Variants in TBC1D9B observed in about 807,000 individuals in gnomAD.
TBC1D9B encodes TBC1 domain family member 9B, also known as TBC1 domain family, member 9B (with GRAM domain).
TBC1D9B carries 87 observed loss-of-function variants against 121.1 expected under a neutral mutation model. That is an observed-to-expected ratio of 0.72 (90% CI 0.60 to 0.86). TBC1D9B has a LOEUF of 0.86. TBC1D9B is among the 40% of genes least tolerant of loss of function. The pLI, the probability that TBC1D9B is intolerant of heterozygous loss-of-function variation, is 0.00. For missense variants in TBC1D9B, 1,540 were observed against 1,628.6 expected (o/e 0.95, Z 0.94); for synonymous variants, 668 against 670.1 (o/e 1.00, Z 0.05).
In TBC1D9B at chr5:179,904,839, G is replaced by C. The variant is rs1169981436; in HGVS notation, c.119-27C>G. 6.5e-7 allele frequency: 1 copy of C among 1,528,444 alleles called. No individual in the cohort carries two copies. Among genetic ancestry groups the C allele is most frequent in the Non-Finnish European group, 8.8e-7 (1 of 1,131,216 alleles). 94.7% of individuals were successfully genotyped at this position (1,528,444 alleles called of 1,614,324 possible). ...TGGGAACAGGGCAGAGAGACATAGA[G>C]GGTGAGGGGAGGGCCGGACTGAGGC... On this transcript the variant is annotated intron_variant, in intron 1 of 20. Coordinates refer to ENST00000355235, the MANE Select transcript of TBC1D9B (RefSeq NM_015043.4). This position sits in a 1 kb window ranked among gnomAD's most constrained non-coding sequence, Gnocchi z 4.2.
intron 18 of TBC1D9B, 139 bp downstream of exon 18, chr5:179,867,639 T>C (rs747715135): frequency 2.7e-6 from 4 of 1,487,416 alleles, no homozygotes; most frequent in South Asian, 1.2e-5. Flanking sequence ...GCCCAGCCCG[T>C]GGTCCCCTGG....
At chr5:179,895,441 G>A (rs1053679917) in intron 3 of TBC1D9B, among the ~76,000 whole-genome samples, 10 of 152,068 alleles carry the variant, frequency 6.6e-5, no homozygotes, top group East Asian at 1.9e-4. Context: ...CCTGGAGGAC[G>A]TCCTGCACTT....
chr5:179,878,162 T>TA, intron 10 of TBC1D9B, 147 bp downstream of exon 10: 1 of 828,524 alleles, frequency 1.2e-6, no homozygotes, highest in South Asian at 1.8e-5. Context: ...GAGCAATTAA[T>TA]ACTGTTTTTA....
intron 15 of TBC1D9B, chr5:179,870,799 C>T: frequency 2.5e-6 from 1 of 401,222 alleles, no homozygotes. Flanking sequence ...AAACAAGAGG[C>T]CTGAGGCTTG....
rs1026748922 is a variant in TBC1D9B at position 179,875,121 on chromosome 5, T to A, written c.1967A>T (p.Lys656Met). The change falls in exon 12 of 21, where the codon AAG (lysine) becomes ATG (methionine). Residue 656 changes from lysine (K) to methionine (M), a missense_variant. Lys to Met is a moderately conservative substitution (Grantham distance 95). Coordinates refer to ENST00000355235, the MANE Select transcript of TBC1D9B (RefSeq NM_015043.4). The surrounding 1 kb of genome is among the most constrained non-coding windows in gnomAD (Gnocchi z 4.5). ...TRDFLPQLSE[K>M]MQDLGVISSI... ...GGAGATCACCCCCAGGTCCTGCATC[T>A]TCTCCGAGAGCTGCGGCAGGAAGTC... 6.2e-7 allele frequency: 1 copy of A among 1,613,880 alleles called. No individual in the cohort carries two copies. Among genetic ancestry groups the A allele is most frequent in the Non-Finnish European group, 8.5e-7 (1 of 1,180,032 alleles).
chr5:179,884,584 C>T (rs562256525), intron 7 of TBC1D9B: 3 of 152,224 alleles, frequency 2.0e-5, no homozygotes, highest in Non-Finnish European at 4.4e-5. Flanking sequence ...ATGTTCACAG[C>T]AGTGTTACTC....
At chr5:179,899,342 T>C (rs1319477722) in intron 2 of TBC1D9B, 35 bp from the exon 3 acceptor site, 1 of 1,583,842 alleles carries the variant, frequency 6.3e-7, no homozygotes, top group Admixed American at 1.7e-5. Context: ...AGAAAAATCA[T>C]GAATTCCCCA....
At chr5:179,889,122 C>T (rs1483863206) in intron 6 of TBC1D9B, among the ~76,000 whole-genome samples, 7 of 151,896 alleles carry the variant, frequency 4.6e-5, no homozygotes, top group South Asian at 4.2e-4. Context: ...CTCTGCCTCC[C>T]GGGTTCACGC....
At position 179,865,274 on chromosome 5, in the gene TBC1D9B, C is replaced by A; in HGVS notation, c.3001G>T (p.Asp1001Tyr). The A allele has an allele frequency of 6.2e-7, 1 of 1,614,170 alleles. No homozygotes were observed. Among genetic ancestry groups the A allele is most frequent in the Non-Finnish European group, 8.5e-7 (1 of 1,180,028 alleles). The change falls in exon 20 of 21, where the codon GAT (aspartate) becomes TAT (tyrosine). Residue 1001 changes from aspartate to tyrosine, a missense_variant. Coordinates refer to ENST00000355235, the MANE Select transcript of TBC1D9B (RefSeq NM_015043.4). The surrounding 1 kb of genome is among the most constrained non-coding windows in gnomAD (Gnocchi z 5.1). ...CCTACCTGGTTCATCTTGGGAAGAT[C>A]CTTAATCGTCTCCTTCTGAGCCTCT... is the stretch of plus-strand genomic sequence containing the variant. ...EKEAQKETIK[D>Y]LPKMNQEQFI...
At chr5:179,898,462 T>A (rs189918291) in intron 3 of TBC1D9B, among the ~76,000 whole-genome samples, 226 of 148,414 alleles carry the variant, frequency 1.5e-3, no homozygotes, top group South Asian at 6.7e-3. Flanking sequence ...CTTTTTTTTT[T>A]AATTGAGATG....
intron 2 of TBC1D9B, among the ~76,000 whole-genome samples, chr5:179,900,815 G>C (rs1043864973): frequency 6.6e-6 from 1 of 152,190 alleles, no homozygotes; most frequent in African/African-American, 2.4e-5. Context: ...TTAGGAACAA[G>C]AGCACTACGG....
intron 3 of TBC1D9B, among the ~76,000 whole-genome samples, chr5:179,895,960 G>A (rs1036008443): frequency 1.3e-5 from 2 of 152,152 alleles, no homozygotes; most frequent in Non-Finnish European, 1.5e-5. Flanking sequence ...CCCCCTTTCT[G>A]CCTAAAAGCT....
intron 16 of TBC1D9B, 88 bp from the exon 17 acceptor site, chr5:179,869,922 T>C: frequency 7.8e-7 from 1 of 1,287,254 alleles, no homozygotes; most frequent in East Asian, 2.4e-5. Context: ...CTTCACAGCC[T>C]GTGCTGCCCA....
intron 2 of TBC1D9B, among the ~76,000 whole-genome samples, chr5:179,899,616 T>C (rs76894352): frequency 0.054 from 8,171 of 152,304 alleles, 757 homozygotes; most frequent in African/African-American, 0.18. Flanking sequence ...ATAGTCTGTG[T>C]GCCTGCAAGC....
Position 179,865,185 on chromosome 5 carries a change from G to T in TBC1D9B, c.3021+69C>A. ...CAGGAGATGCTGCAGTGCAGGTGCGGTGATGTTAGGGCCCAGTCTTGGTCA... is the reference window on the plus strand; with the variant it reads ...CAGGAGATGCTGCAGTGCAGGTGCGTTGATGTTAGGGCCCAGTCTTGGTCA... On this transcript the variant is annotated intron_variant, in intron 20 of 20. Coordinates refer to ENST00000355235, the MANE Select transcript of TBC1D9B (RefSeq NM_015043.4). The surrounding 1 kb of genome is among the most constrained non-coding windows in gnomAD (Gnocchi z 5.1). The T allele has an allele frequency of 6.9e-7, 1 of 1,450,696 alleles. No individual in the cohort carries two copies. The highest frequency in any genetic ancestry group is 9.7e-7 in the Non-Finnish European group (1 of 1,032,240). The allele number at this position is 1,450,696 out of a possible 1,614,324, so 89.9% of individuals were successfully genotyped here.
chr5:179,888,983 G>T (rs34255501), intron 6 of TBC1D9B, among the ~76,000 whole-genome samples: 5 of 152,114 alleles, frequency 3.3e-5, no homozygotes, highest in Non-Finnish European at 7.4e-5. Context: ...AGGAAGAGAA[G>T]GCCAGAGAAG....
intron 15 of TBC1D9B, 81 bp from the exon 16 acceptor site, chr5:179,870,576 C>G (rs952289908): frequency 1.3e-6 from 2 of 1,492,762 alleles, no homozygotes; most frequent in South Asian, 1.3e-5. Flanking sequence ...GTGTGTCCAC[C>G]CTCCCCCTCT....
chr5:179,897,308 TTTC>T (rs1348724474), intron 3 of TBC1D9B, among the ~76,000 whole-genome samples: 1 of 148,896 alleles, frequency 6.7e-6, no homozygotes, highest in Non-Finnish European at 1.5e-5. Context: ...TTTCAATCAT[TTTC>T]TTTTCTTTTT....
chr5:179,872,624 C>T (rs535059269), intron 14 of TBC1D9B: 1 of 496,022 alleles, frequency 2.0e-6, no homozygotes, highest in African/African-American at 1.9e-5. Context: ...GGGCTCGGCC[C>T]AGAGGGCTGG....
Sources: gnomAD v4.1 joint callset for allele counts (sites outside exome capture counted in the v4.1 genomes callset) on GRCh38, gnomAD v4.1.1 for gene constraint, Gnocchi (gnomAD v3.1) non-coding constraint, MANE v1.5 for transcripts, NCBI Gene and HGNC (gene_info 2026-07-23, HGNC 2026-07-21) for gene names.